The following TTN variants were observed in gnomAD, a reference collection of about 807,000 sequenced individuals.
TTN encodes the protein connectin.
In TTN, 1,525 loss-of-function variants were observed where a neutral mutation model predicts 3,223.0. The ratio of observed to expected loss-of-function variants is 0.47; its 90% confidence interval spans 0.45 to 0.49. The LOEUF (loss-of-function observed/expected upper bound fraction) is 0.49, where lower values mean the gene tolerates loss of function less well. Among genes scored for constraint, TTN ranks in the 20% least tolerant of loss-of-function variants. The probability of loss-of-function intolerance (pLI) is 0.00; values close to 1 mark genes in which losing one functional copy is unlikely to be tolerated. For missense variants in TTN, 40,786 were observed against 43,424.0 expected (o/e 0.94, Z 5.40); for synonymous variants, 14,094 against 15,161.0 (o/e 0.93, Z 5.17).
In TTN at chr2:178,602,034, C is replaced by T. The variant is rs2053599230; in HGVS notation, c.55237G>A (p.Glu18413Lys). 1.2e-6 allele frequency: 2 copies of T among 1,612,656 alleles called. No homozygotes were observed. Among genetic ancestry groups the T allele is most frequent in the African/African-American group, 2.7e-5 (2 of 74,904 alleles). Residue 18413 changes from glutamate to lysine, a missense_variant, in exon 284 of 363, where the codon GAA (glutamate) becomes AAA (lysine). Physicochemically the swap from Glu to Lys is moderately conservative, Grantham distance 56 (BLOSUM62 1). Transcript: ENST00000589042. Reference protein sequence around the residue: ...KGRPTPKSSWEFDGKAKKAMK... With the variant: ...KGRPTPKSSWKFDGKAKKAMK... ...GCTTTCTTTGCCTTTCCATCAAATT[C>T]CCAAGATGATTTTGGTGTTGGGCGT...
Position 178,740,429 on chromosome 2 carries a change from A to C in TTN, c.12804T>G (p.Ala4268=), listed in dbSNP as rs796413220. Residue 4268 remains alanine (A), a synonymous_variant, in exon 48 of 363, where the codon GCT becomes GCG. Coordinates refer to ENST00000589042, the MANE Select transcript of TTN (RefSeq NM_001267550.2). ...QSALILSQSL[A]EGHVESLQSP... ...TCTGGAGACTCTCCACGTGTCCCTCAGCTAAGCTCTGACTCAAGATGAGCG... is the reference window on the plus strand; with the variant it reads ...TCTGGAGACTCTCCACGTGTCCCTCCGCTAAGCTCTGACTCAAGATGAGCG... 2.5e-6 allele frequency: 4 copies of C among 1,613,118 alleles called. No homozygotes were observed. Among genetic ancestry groups the C allele is most frequent in the Middle Eastern group, 1.6e-4 (1 of 6,074 alleles).
In TTN at chr2:178,581,765, G is replaced by T; in HGVS notation, c.66503C>A (p.Thr22168Lys). The T allele has an allele frequency of 1.9e-6, 3 of 1,605,162 alleles. No homozygotes were observed. Among genetic ancestry groups the T allele is most frequent in the Non-Finnish European group, 2.6e-6 (3 of 1,175,220 alleles). ...GPPAFPKVYD[T>K]TRSSVSLSWG... ...AGATAGACTCACAGAGCTGCGAGTT[G>T]TATCATATACTTTAGGGAAAGCCGG... Residue 22168 changes from threonine (T) to lysine (K), a missense_variant, in exon 316 of 363, where the codon ACA (threonine) becomes AAA (lysine). Thr to Lys is a moderately conservative substitution (Grantham distance 78). Coordinates refer to ENST00000589042, the MANE Select transcript of TTN (RefSeq NM_001267550.2).
chr2:178,693,433 C>A (rs183508685), intron 119 of TTN, among the ~76,000 whole-genome samples, 176 bp downstream of exon 119: 1 of 151,980 alleles, frequency 6.6e-6, no homozygotes, highest in Non-Finnish European at 1.5e-5. Flanking sequence ...TCACTTTTTT[C>A]CCCCTGTGCC....
In TTN at chr2:178,647,031, T is replaced by TA. The variant is rs891984477; in HGVS notation, c.40222+32dup. On this transcript the variant is annotated intron_variant, in intron 215 of 362. Coordinates refer to ENST00000589042, the MANE Select transcript of TTN (RefSeq NM_001267550.2). ...ATTCTAACAGGAATCTTCAGGAGAT[T>TA]AAAAAAATGTATATATATATATATA... 2.5e-5 allele frequency: 21 copies of TA among 830,540 alleles called. No homozygotes were observed. The African/African-American group carries it at 3.8e-4, about 15-fold the overall frequency. 51.4% of individuals were successfully genotyped at this position (830,540 alleles called of 1,614,324 possible).
In TTN at chr2:178,565,159, G is replaced by C. The variant is rs1270883993; in HGVS notation, c.80973C>G (p.Val26991=). The C allele has an allele frequency of 6.2e-7, 1 of 1,613,182 alleles. No homozygotes were observed. The highest frequency in any genetic ancestry group is 8.5e-7 in the Non-Finnish European group (1 of 1,179,534). ...RFDEVSADFV[V]ISWEPPAYTG... is the part of the protein sequence containing the mutation. ...TATAGGCTGGAGGTTCCCAAGATAT[G>C]ACTACAAAGTCTGCACTAACTTCAT... is the stretch of plus-strand genomic sequence containing the variant. The change falls in exon 326 of 363, where the codon GTC becomes GTG. Residue 26991 remains valine, a synonymous_variant. Coordinates refer to ENST00000589042, the MANE Select transcript of TTN (RefSeq NM_001267550.2).
chr2:178,612,248 T>C, intron 266 of TTN, 29 bp downstream of exon 266: 2 of 1,607,426 alleles, frequency 1.2e-6, no homozygotes, highest in Non-Finnish European at 1.7e-6. Context: ...GAGCACTTAT[T>C]GTCACAAAGA....
Position 178,724,086 on chromosome 2 carries a change from C to T in TTN, c.21173G>A (p.Gly7058Asp), listed in dbSNP as rs72648964. Residue 7058 changes from glycine to aspartate, a missense_variant, in exon 73 of 363, where the codon GGT becomes GAT. Coordinates refer to ENST00000589042, the MANE Select transcript of TTN (RefSeq NM_001267550.2). Reference sequence around the variant, plus strand: ...TTTGCATTCCAAGATGCAAGAAGCACCTAACACCCCACCAGTATTTTTCAG... The same window carrying T: ...TTTGCATTCCAAGATGCAAGAAGCATCTAACACCCCACCAGTATTTTTCAG... ...RRLKNTGGVL[G>D]ASCILECKVA... The T allele has an allele frequency of 1.2e-3, 1,983 of 1,613,314 alleles. 10 individuals are homozygous for T. The highest frequency in any genetic ancestry group is 9.1e-3 in the African/African-American group (682 of 74,994).
intron 47 of TTN, chr2:178,743,008 A>G (rs967191797): frequency 2.2e-4 from 34 of 152,076 alleles, no homozygotes; most frequent in African/African-American, 8.0e-4. Flanking sequence ...AACCATTGAT[A>G]ATTTTACATA....
chr2:178,739,828 G>C lies in TTN; in HGVS notation c.13405C>G (p.Leu4469Val), dbSNP rs773164952. ...AAAGCATCCCTAAGTTCCATTTTCA[G>C]GTTAGCCATTTGAGGATCAACATCT... ...IEDVDPQMAN[L>V]KMELRDALCA... The change falls in exon 48 of 363, where the codon CTG becomes GTG. Residue 4469 changes from leucine (L) to valine (V), a missense_variant. Physicochemically the swap from Leu to Val is conservative, Grantham distance 32 (BLOSUM62 1). Transcript: ENST00000589042. 4 of 1,613,832 alleles carry C rather than the reference G, an allele frequency of 2.5e-6. No homozygotes were observed. The highest frequency in any genetic ancestry group is 2.5e-6 in the Non-Finnish European group (3 of 1,179,822).
intron 47 of TTN, chr2:178,748,832 G>C (rs146177677): frequency 1.4e-5 from 23 of 1,611,912 alleles, no homozygotes; most frequent in Non-Finnish European, 1.9e-5. Context: ...AGATGAATCT[G>C]ATTCAGTATT....
chr2:178,555,227 G>T, intron 330 of TTN, 75 bp from the exon 331 acceptor site: 1 of 1,367,694 alleles, frequency 7.3e-7, no homozygotes, highest in Non-Finnish European at 1.0e-6. Flanking sequence ...CAACCTTAAA[G>T]TAAGGTCATT....
At position 178,533,696 on chromosome 2, in the gene TTN, ACTT is replaced by A. The variant is rs762798421; in HGVS notation, c.102916_102918del (p.Lys34306del). On this transcript the variant is annotated inframe_deletion, in exon 358 of 363. Transcript: ENST00000589042. ...AGACCCTTGTCTGACTCAAATGTGT[ACTT>A]CTTGTCATTGTCACCTGGTTTGATT... is the stretch of plus-strand genomic sequence containing the variant. 11 of 1,613,894 alleles carry A rather than the reference ACTT, an allele frequency of 6.8e-6. No homozygotes were observed. The East Asian group carries it at 1.8e-4, about 26-fold the overall frequency.
chr2:178,543,007 C>T (rs1478116026), intron 347 of TTN, 58 bp from the exon 348 acceptor site: 20 of 1,528,564 alleles, frequency 1.3e-5, no homozygotes, highest in African/African-American at 8.4e-5. Context: ...TAAATTGTTA[C>T]GAATTCTGAA....
chr2:178,692,275 A>G (rs1251426583), intron 120 of TTN, among the ~76,000 whole-genome samples, 176 bp from the exon 121 acceptor site: 2 of 152,146 alleles, frequency 1.3e-5, no homozygotes, highest in Non-Finnish European at 2.9e-5. Flanking sequence ...TAGACATTAC[A>G]TACATTACAC....
intron 134 of TTN, 127 bp from the exon 135 acceptor site, chr2:178,683,030 C>T: frequency 9.2e-7 from 1 of 1,088,566 alleles, no homozygotes; most frequent in South Asian, 1.5e-5. Flanking sequence ...GAGACCCTGA[C>T]TGTTCTTTTT....
chr2:178,582,773 C>A, intron 313 of TTN, 167 bp downstream of exon 313: 1 of 924,292 alleles, frequency 1.1e-6, no homozygotes, highest in African/African-American at 1.7e-5. Context: ...TATGTGATTT[C>A]TAAAGCTCTT....
intron 242 of TTN, 21 bp downstream of exon 242, chr2:178,624,444 C>G: frequency 6.2e-7 from 1 of 1,609,738 alleles, no homozygotes; most frequent in Non-Finnish European, 8.5e-7. Flanking sequence ...ATGAAAAGTC[C>G]TTTGTAAGAA....
chr2:178,598,397 C>T (rs2052347132), intron 292 of TTN, 109 bp downstream of exon 292: 1 of 1,316,164 alleles, frequency 7.6e-7, no homozygotes, highest in Non-Finnish European at 1.0e-6. Context: ...ATGCTATTTT[C>T]CTGATTTCTT....
In TTN at chr2:178,625,386, C is replaced by T. The variant is rs375574483; in HGVS notation, c.44435G>A (p.Arg14812His). The change falls in exon 241 of 363, where the codon CGT becomes CAT. Residue 14812 changes from arginine (R) to histidine (H), a missense_variant. Transcript: ENST00000589042. ...KLEPSDKVVP[R>H]SEGKVHTLTL... ...AAGTGTATGAACTTTTCCTTCTGAACGTGGGACCACCTAGTTGTTTTTAAA... is the reference window on the plus strand; with the variant it reads ...AAGTGTATGAACTTTTCCTTCTGAATGTGGGACCACCTAGTTGTTTTTAAA... The T allele has an allele frequency of 4.2e-5, 66 of 1,573,202 alleles. No individual in the cohort carries two copies. Among genetic ancestry groups the T allele is most frequent in the East Asian group, 9.4e-5 (4 of 42,478 alleles).
Sources: allele counts gnomAD v4.1 joint callset (sites outside exome capture counted in the v4.1 genomes callset), GRCh38; gene constraint gnomAD v4.1.1; transcripts MANE v1.5; gene names NCBI Gene and HGNC (gene_info 2026-07-23, HGNC 2026-07-21).